PCDHGA3: variants seen among roughly 807,000 people sequenced by gnomAD.
The protein encoded by PCDHGA3 is protocadherin gamma-A3.
In PCDHGA3, 40 loss-of-function variants were observed where a neutral mutation model predicts 58.5. The observed-to-expected ratio is 0.68, with a 90% CI of 0.53 to 0.89. PCDHGA3 has a LOEUF of 0.89. PCDHGA3 is among the 40% of genes least tolerant of loss of function. The pLI is 0.00. For missense variants in PCDHGA3, 1,223 were observed against 1,195.9 expected (o/e 1.02, Z -0.33); for synonymous variants, 530 against 525.7 (o/e 1.01, Z -0.11).
intron 2 of PCDHGA3, among the ~76,000 whole-genome samples, chr5:141,504,178 A>C (rs572543892): frequency 4.5e-4 from 69 of 152,366 alleles, no homozygotes; most frequent in Non-Finnish European, 7.6e-4. Context: ...AAATTCAAAA[A>C]AATCATGAAA....
At chr5:141,457,940 T>G (rs541807221) in intron 1 of PCDHGA3, among the ~76,000 whole-genome samples, 2 of 152,356 alleles carry the variant, frequency 1.3e-5, no homozygotes, top group East Asian at 3.9e-4. Flanking sequence ...TTTTATTGGC[T>G]CTGCATGTCA....
At chr5:141,423,120 G>A in intron 1 of PCDHGA3, 1 of 1,613,800 alleles carries the variant, frequency 6.2e-7, no homozygotes. Flanking sequence ...GTACAGCGCG[G>A]GCACTGCTGG....
intron 1 of PCDHGA3, chr5:141,360,166 G>C (rs909709535): frequency 3.1e-6 from 5 of 1,607,806 alleles, no homozygotes; most frequent in Non-Finnish European, 4.2e-6. Flanking sequence ...GTGCGGGCTG[G>C]TGCGGTGGCT....
intron 1 of PCDHGA3, chr5:141,440,130 A>G (rs1222064545): frequency 6.6e-6 from 1 of 152,282 alleles, no homozygotes; most frequent in African/African-American, 2.4e-5. Context: ...TGAATGGATC[A>G]GGAGCAGATA....
chr5:141,446,482 C>A (rs961785845), intron 1 of PCDHGA3, among the ~76,000 whole-genome samples: 2 of 146,988 alleles, frequency 1.4e-5, no homozygotes, highest in Non-Finnish European at 3.0e-5. Flanking sequence ...GGTCATCATT[C>A]TTTTTTTTTT....
intron 1 of PCDHGA3, chr5:141,417,773 T>C: frequency 6.9e-7 from 1 of 1,458,374 alleles, no homozygotes; most frequent in South Asian, 1.4e-5. Context: ...GGACTCCTCC[T>C]GTCCTGGGCC....
chr5:141,378,119 G>A (rs1412148490), intron 1 of PCDHGA3: 1 of 152,132 alleles, frequency 6.6e-6, no homozygotes, highest in East Asian at 1.9e-4. Context: ...TAGTGAACAC[G>A]TATTTGTTGA....
chr5:141,477,393 G>C lies in PCDHGA3; in HGVS notation c.2425-17414G>C. ...GAGACTGTGCCAGAATACAACCTCA[G>C]CATCACCGCCCGAGACGCCGGAACC... On this transcript the variant is annotated intron_variant, in intron 1 of 3. Coordinates refer to ENST00000253812, the MANE Select transcript of PCDHGA3 (RefSeq NM_018916.4). The surrounding 1 kb of genome is among the most constrained non-coding windows in gnomAD (Gnocchi z 4.9). The C allele has an allele frequency of 6.2e-7, 1 of 1,614,098 alleles. No individual in the cohort carries two copies. The highest frequency in any genetic ancestry group is 8.5e-7 in the Non-Finnish European group (1 of 1,180,028).
At chr5:141,360,879 G>A in intron 1 of PCDHGA3, 1 of 1,614,000 alleles carries the variant, frequency 6.2e-7, no homozygotes, top group South Asian at 1.1e-5. Flanking sequence ...ACGTGTACAG[G>A]GTCACCCTGA....
intron 1 of PCDHGA3, chr5:141,357,637 A>G: frequency 6.2e-7 from 1 of 1,612,586 alleles, no homozygotes; most frequent in Non-Finnish European, 8.5e-7. Flanking sequence ...TCAATCTTAT[A>G]ATAGATCATA....
At chr5:141,394,458 A>G (rs776488659) in intron 1 of PCDHGA3, 1 of 1,614,218 alleles carries the variant, frequency 6.2e-7, no homozygotes, top group South Asian at 1.1e-5. Context: ...CATGTCACTG[A>G]GCCTGTTCGT....
At chr5:141,385,409 T>C in intron 1 of PCDHGA3, 1 of 1,478,112 alleles carries the variant, frequency 6.8e-7, no homozygotes, top group South Asian at 1.4e-5. Context: ...GTTTTGAAAA[T>C]AGGGATTTAA....
chr5:141,452,360 C>A (rs1045666881), intron 1 of PCDHGA3, among the ~76,000 whole-genome samples: 3 of 152,172 alleles, frequency 2.0e-5, no homozygotes, highest in Non-Finnish European at 4.4e-5. Flanking sequence ...AAAAGCCTTG[C>A]TTCATTTTAG....
intron 1 of PCDHGA3, chr5:141,362,251 G>T: frequency 6.2e-7 from 1 of 1,613,980 alleles, no homozygotes; most frequent in Non-Finnish European, 8.5e-7. Context: ...CTTCTTCCTC[G>T]CGGTGATTCT....
chr5:141,398,107 A>C, intron 1 of PCDHGA3: 1 of 1,595,524 alleles, frequency 6.3e-7, no homozygotes, highest in Non-Finnish European at 8.5e-7. Flanking sequence ...GCTGGTGAGC[A>C]AGCTGAGGAG....
chr5:141,360,115 AG>A, intron 1 of PCDHGA3: 1 of 1,568,846 alleles, frequency 6.4e-7, no homozygotes, highest in Non-Finnish European at 8.7e-7. Flanking sequence ...CTATGGGCAA[AG>A]GAGCAAAGGG....
At chr5:141,405,575 G>C in intron 1 of PCDHGA3, 1 of 598,040 alleles carries the variant, frequency 1.7e-6, no homozygotes. Flanking sequence ...GAGTAGAGTA[G>C]CTGGGACTAC....
chr5:141,511,010 A>G lies in PCDHGA3; in HGVS notation c.2636A>G (p.Tyr879Cys), dbSNP rs1286219897. 6.2e-6 allele frequency: 10 copies of G among 1,614,054 alleles called. No homozygotes were observed. Among genetic ancestry groups the G allele is most frequent in the African/African-American group, 1.3e-5 (1 of 74,916 alleles). Residue 879 changes from tyrosine to cysteine, a missense_variant, in exon 4 of 4, where the codon TAC becomes TGC. By Grantham distance (194) the Tyr-to-Cys change is radical (BLOSUM62 -2). Coordinates refer to ENST00000253812, the MANE Select transcript of PCDHGA3 (RefSeq NM_018916.4). ...GGCACCATGGGATTGAGCGCCCGCT[A>G]CGGACCCCAGTTCACCCTGCAGCAC... Reference protein sequence around the residue: ...GAGTMGLSARYGPQFTLQHVP... With the variant: ...GAGTMGLSARCGPQFTLQHVP...
Position 141,489,629 on chromosome 5 carries a change from C to T in PCDHGA3, c.2425-5178C>T. Reference sequence around the variant, plus strand: ...GAGATCCTGGATCTCAATGACAACTCTCCTAGCTTTGCCACCCCTGAGCGA... The same window carrying T: ...GAGATCCTGGATCTCAATGACAACTTTCCTAGCTTTGCCACCCCTGAGCGA... On this transcript the variant is annotated intron_variant, in intron 1 of 3. Transcript: ENST00000253812. This position sits in a 1 kb window ranked among gnomAD's most constrained non-coding sequence, Gnocchi z 4.5. 6.2e-7 allele frequency: 1 copy of T among 1,614,142 alleles called. No homozygotes were observed. The highest frequency in any genetic ancestry group is 1.7e-5 in the Admixed American group (1 of 60,032).
Sources: gnomAD v4.1 joint callset for allele counts (sites outside exome capture counted in the v4.1 genomes callset) on GRCh38, gnomAD v4.1.1 for gene constraint, Gnocchi (gnomAD v3.1) non-coding constraint, MANE v1.5 for transcripts, NCBI Gene and HGNC (gene_info 2026-07-23, HGNC 2026-07-21) for gene names.